Variants in PRKN observed in about 807,000 individuals in gnomAD.
PRKN encodes the protein parkin RBR E3 ubiquitin protein ligase, also known as E3 ubiquitin-protein ligase parkin.
Under a neutral mutation model 59.5 loss-of-function variants are expected in PRKN, and 56 were observed. The observed-to-expected ratio is 0.94, with a 90% CI of 0.76 to 1.18. PRKN has a LOEUF of 1.18. PRKN is among the 50% of genes most tolerant of loss of function. PRKN has a pLI of 0.00. For missense variants in PRKN, 657 were observed against 596.4 expected, an observed-to-expected ratio of 1.10 and a Z score of -1.06; for synonymous variants, 250 against 222.1, an observed-to-expected ratio of 1.13 and a Z score of -1.12.
At chr6:162,161,334 T>G (rs1000097169) in intron 4 of PRKN, among the ~76,000 whole-genome samples, 22 of 152,178 alleles carry the variant, frequency 1.4e-4, no homozygotes, top group African/African-American at 5.3e-4. Flanking sequence ...TGTATGTCAC[T>G]AAAGGATGCT....
chr6:161,363,451 C>T lies in PRKN; in HGVS notation c.1168-3246G>A, dbSNP rs556680084. 6.6e-6 allele frequency among the ~76,000 whole-genome samples: 1 copy of T among 151,830 alleles called. No homozygotes were observed. Among genetic ancestry groups the T allele is most frequent in the Non-Finnish European group, 1.5e-5 (1 of 67,962 alleles). On this transcript the variant is annotated intron_variant, in intron 10 of 11. Coordinates refer to ENST00000366898, the MANE Select transcript of PRKN (RefSeq NM_004562.3). This position sits in a 1 kb window ranked among gnomAD's most constrained non-coding sequence, Gnocchi z 4.1. ...GATGAGTTACATAACAAATTAGATA[C>T]AAATGAAGAGAGAATTTGTGAACTG...
At chr6:161,838,584 T>C (rs1792855864) in intron 6 of PRKN, among the ~76,000 whole-genome samples, 1 of 152,200 alleles carries the variant, frequency 6.6e-6, no homozygotes, top group Non-Finnish European at 1.5e-5. Context: ...TTAGCCCAGG[T>C]CTCGCAAATA....
At chr6:162,591,050 A>G (rs1031357387) in intron 1 of PRKN, among the ~76,000 whole-genome samples, 5 of 152,076 alleles carry the variant, frequency 3.3e-5, no homozygotes, top group Non-Finnish European at 5.9e-5. Flanking sequence ...CAGATTCCTG[A>G]ATGGCGCACT....
rs556505640 is a variant in PRKN at position 162,255,745 on chromosome 6, T to C, written c.412+6780A>G. Among the ~76,000 whole-genome samples, 6 of 152,278 alleles carry C rather than the reference T, an allele frequency of 3.9e-5. 1 individual carries two copies. Among genetic ancestry groups the C allele is most frequent in the Admixed American group, 3.3e-4 (5 of 15,290 alleles). On this transcript the variant is annotated intron_variant, in intron 3 of 11. Transcript: ENST00000366898. ...CAGACACATCACAGCCCAGGTACCA[T>C]GAATGCGCTCAAGGATTCAAAATCA... is the stretch of plus-strand genomic sequence containing the variant.
At chr6:162,290,765 G>A (rs1223241857) in intron 2 of PRKN, among the ~76,000 whole-genome samples, 1 of 152,158 alleles carries the variant, frequency 6.6e-6, no homozygotes, top group African/African-American at 2.4e-5. Flanking sequence ...TGCCCTAACA[G>A]TCCAGGAGAA....
chr6:162,635,384 T>C (rs1036828127), intron 1 of PRKN, among the ~76,000 whole-genome samples: 5 of 152,222 alleles, frequency 3.3e-5, no homozygotes, highest in African/African-American at 1.2e-4. Flanking sequence ...AATGAAATGT[T>C]TGGCTTTTAG....
chr6:162,343,962 C>T (rs763006553), intron 2 of PRKN, among the ~76,000 whole-genome samples: 3 of 152,106 alleles, frequency 2.0e-5, no homozygotes, highest in African/African-American at 7.2e-5. Context: ...CCCTAAGAAA[C>T]GTGGTCTGTG....
intron 7 of PRKN, among the ~76,000 whole-genome samples, chr6:161,678,215 A>ATTTTT: frequency 1.2e-5 from 1 of 86,338 alleles, no homozygotes; most frequent in Non-Finnish European, 2.1e-5. Flanking sequence ...ATACTGAATC[A>ATTTTT]CTTTTTTTTT....
rs145472772 is a variant in PRKN at position 161,562,556 on chromosome 6, C to T, written c.933+6799G>A. On this transcript the variant is annotated intron_variant, in intron 8 of 11. Coordinates refer to ENST00000366898, the MANE Select transcript of PRKN (RefSeq NM_004562.3). This position sits in a 1 kb window ranked among gnomAD's most constrained non-coding sequence, Gnocchi z 4.3. The stretch of plus-strand genomic sequence containing the variant: ...TATCTCTCCATCTCGGACCTCAGGT[C>T]TCACTGTCCTCCAAGCTCTCACTCA... 3.1e-3 allele frequency among the ~76,000 whole-genome samples: 477 copies of T among 152,302 alleles called. 5 individuals carry two copies. Among genetic ancestry groups the T allele is most frequent in the African/African-American group, 0.011 (445 of 41,568 alleles).
intron 9 of PRKN, among the ~76,000 whole-genome samples, chr6:161,441,215 G>A (rs1405602309): frequency 1.3e-5 from 2 of 152,214 alleles, no homozygotes; most frequent in Non-Finnish European, 2.9e-5. Context: ...CAGCTCTGCG[G>A]AGAAGCATGG....
At chr6:162,105,152 C>T (rs752711528) in intron 4 of PRKN, among the ~76,000 whole-genome samples, 4 of 152,210 alleles carry the variant, frequency 2.6e-5, no homozygotes, top group Admixed American at 6.5e-5. Flanking sequence ...TTTTATGGCT[C>T]TAAACGGGGA....
chr6:161,545,116 G>T lies in PRKN; in HGVS notation c.1083+3738C>A, dbSNP rs184785414. On this transcript the variant is annotated intron_variant, in intron 9 of 11. Transcript: ENST00000366898. This position sits in a 1 kb window ranked among gnomAD's most constrained non-coding sequence, Gnocchi z 4.1. Reference sequence around the variant, plus strand: ...AAATCCCACAAATGACAGAGAATTTGGTTTTCAACTTTTTTATACGCGATT... The same window carrying T: ...AAATCCCACAAATGACAGAGAATTTTGTTTTCAACTTTTTTATACGCGATT... 368 of 1,252,992 alleles carry T rather than the reference G, an allele frequency of 2.9e-4. 2 individuals carry two copies. In the African/African-American group the frequency reaches 5.4e-3, roughly 18 times the overall value. The allele number at this position is 1,252,992 out of a possible 1,614,324, so 77.6% of individuals were successfully genotyped here. A position where few individuals can be genotyped will look rare whatever the true frequency, so the allele number is the denominator to read the frequency against.
At chr6:162,416,492 CTTACAAG>C (rs1400719923) in intron 2 of PRKN, among the ~76,000 whole-genome samples, 1 of 152,126 alleles carries the variant, frequency 6.6e-6, no homozygotes, top group Admixed American at 6.6e-5. Context: ...TTTCATATTC[CTTACAAG>C]TTGCTGAGTA....
chr6:162,069,809 A>C (rs1778497707), intron 4 of PRKN, among the ~76,000 whole-genome samples: 1 of 152,192 alleles, frequency 6.6e-6, no homozygotes, highest in Non-Finnish European at 1.5e-5. Flanking sequence ...GAAGACACCT[A>C]ATCTAGTTCT....
At chr6:162,250,907 T>C (rs4708946) in intron 3 of PRKN, among the ~76,000 whole-genome samples, 1 of 150,992 alleles carries the variant, frequency 6.6e-6, no homozygotes, top group African/African-American at 2.4e-5. Flanking sequence ...TTGGGTTTTT[T>C]AGCAAAATTA....
intron 6 of PRKN, among the ~76,000 whole-genome samples, chr6:161,966,212 T>C (rs1780573215): frequency 6.6e-6 from 1 of 152,020 alleles, no homozygotes; most frequent in South Asian, 2.1e-4. Context: ...CTGATGAGAA[T>C]ATACGAATTG....
At chr6:162,451,069 T>A (rs188406598) in intron 1 of PRKN, among the ~76,000 whole-genome samples, 134 of 152,240 alleles carry the variant, frequency 8.8e-4, no homozygotes, top group Non-Finnish European at 1.7e-3. Context: ...AGATCAGACT[T>A]GCACACAAAG....
chr6:162,564,871 A>G (rs978241987), intron 1 of PRKN, among the ~76,000 whole-genome samples: 5 of 36,360 alleles, frequency 1.4e-4, no homozygotes, highest in East Asian at 2.2e-3. Flanking sequence ...CTTCAATCAG[A>G]AAAAAAAAAA....
chr6:162,460,866 T>C (rs1334348110), intron 1 of PRKN, among the ~76,000 whole-genome samples: 1 of 152,188 alleles, frequency 6.6e-6, no homozygotes, highest in African/African-American at 2.4e-5. Context: ...ATAGTACTAA[T>C]GGTATGAAAA....
Sources: allele counts gnomAD v4.1 joint callset (sites outside exome capture counted in the v4.1 genomes callset), GRCh38; gene constraint gnomAD v4.1.1; non-coding constraint Gnocchi (gnomAD v3.1); transcripts MANE v1.5; gene names NCBI Gene and HGNC (gene_info 2026-07-23, HGNC 2026-07-21).